Variants in LAMA1 observed in about 807,000 individuals in gnomAD.
The protein encoded by LAMA1 is laminin subunit alpha 1, also known as laminin subunit alpha-1.
A neutral mutation model predicts 348.7 loss-of-function variants in LAMA1; 219 were observed. The observed-to-expected ratio is 0.63, with a 90% CI of 0.56 to 0.70. The LOEUF is 0.70. LAMA1 is among the 30% of genes least tolerant of loss of function. The pLI, the probability that LAMA1 is intolerant of heterozygous loss-of-function variation, is 0.00. For missense variants in LAMA1, 3,744 were observed against 3,888.0 expected (o/e 0.96, Z 0.99); for synonymous variants, 1,487 against 1,491.0 (o/e 1.00, Z 0.06).
chr18:7,101,541 G>A (rs533484759), intron 1 of LAMA1, among the ~76,000 whole-genome samples: 14 of 152,324 alleles, frequency 9.2e-5, no homozygotes, highest in Middle Eastern at 3.4e-3. Context: ...GCAGAAGTGC[G>A]TGTTGGATCC....
intron 3 of LAMA1, among the ~76,000 whole-genome samples, chr18:7,065,710 G>A (rs887264989): frequency 2.6e-5 from 4 of 152,216 alleles, no homozygotes; most frequent in Non-Finnish European, 4.4e-5. Flanking sequence ...TTGGGTGACA[G>A]AGTGAGACTC....
chr18:6,942,757 A>T (rs114950381), intron 62 of LAMA1, among the ~76,000 whole-genome samples: 3,884 of 152,258 alleles, frequency 0.026, 175 homozygotes, highest in African/African-American at 0.088. Flanking sequence ...GTTATAACTT[A>T]AAAAAAGTCA....
At chr18:6,970,001 T>A (rs1306732246) in intron 48 of LAMA1, among the ~76,000 whole-genome samples, 3 of 152,212 alleles carry the variant, frequency 2.0e-5, no homozygotes, top group Non-Finnish European at 4.4e-5. Flanking sequence ...TTAATTTCTG[T>A]TAACCATTTT....
At chr18:6,998,536 AG>A (rs1275058349) in intron 32 of LAMA1, among the ~76,000 whole-genome samples, 2 of 152,144 alleles carry the variant, frequency 1.3e-5, no homozygotes, top group African/African-American at 4.8e-5. Flanking sequence ...ATCTTTCACA[AG>A]TACAAGTGAA....
chr18:7,014,546 CAA>C (rs1475572907), intron 22 of LAMA1, among the ~76,000 whole-genome samples: 1 of 150,432 alleles, frequency 6.6e-6, no homozygotes, highest in Non-Finnish European at 1.5e-5. Flanking sequence ...TGCTTGAGCC[CAA>C]GAGGTCAAGG....
intron 3 of LAMA1, among the ~76,000 whole-genome samples, chr18:7,058,245 G>C (rs1374505436): frequency 2.0e-5 from 3 of 152,146 alleles, no homozygotes; most frequent in African/African-American, 7.2e-5. Context: ...AGCTCTCAAG[G>C]GAGGAGTTAC....
intron 33 of LAMA1, among the ~76,000 whole-genome samples, chr18:6,995,711 T>C (rs2057778344): frequency 6.6e-6 from 1 of 152,174 alleles, no homozygotes; most frequent in Non-Finnish European, 1.5e-5. Flanking sequence ...CTGCTGCAAT[T>C]CTCAGATAAA....
At chr18:7,074,854 A>ACGCT (rs1568056689) in intron 3 of LAMA1, among the ~76,000 whole-genome samples, 1 of 151,062 alleles carries the variant, frequency 6.6e-6, no homozygotes, top group Non-Finnish European at 1.5e-5. Flanking sequence ...ACTAAAATAA[A>ACGCT]CAGTAGTTAA....
chr18:6,956,232 GCC>G (rs2057576728), intron 56 of LAMA1: 3 of 344,714 alleles, frequency 8.7e-6, no homozygotes, highest in African/African-American at 6.5e-5. Context: ...AAAATATTTG[GCC>G]AGAACTGGCT....
intron 44 of LAMA1, among the ~76,000 whole-genome samples, chr18:6,977,066 GCC>G (rs1012106910): frequency 3.3e-5 from 5 of 152,192 alleles, no homozygotes; most frequent in Non-Finnish European, 7.3e-5. Context: ...ACAAATGCAA[GCC>G]CAGAGGCTGC....
intron 16 of LAMA1, among the ~76,000 whole-genome samples, chr18:7,029,072 A>G (rs113347503): frequency 0.012 from 1,804 of 152,314 alleles, 34 homozygotes; most frequent in African/African-American, 0.04. Context: ...TTTAATTTGG[A>G]ATTGTAAGCA....
At chr18:7,116,844 T>C (rs2143846324) in intron 1 of LAMA1, among the ~76,000 whole-genome samples, 1 of 152,238 alleles carries the variant, frequency 6.6e-6, no homozygotes, top group South Asian at 2.1e-4. Flanking sequence ...CTTCTCTCTC[T>C]CTCTCTTTCC....
In LAMA1 at chr18:7,117,783, A is replaced by T; in HGVS notation, c.-63T>A. On this transcript the variant is annotated 5_prime_UTR_variant, in exon 1 of 63. Transcript: ENST00000389658. ...GCCGCGCGCCCGCCTGGAACGCTCC[A>T]CGGGACGCGAGTCCGCGCTGCCCTG... 1.4e-6 allele frequency: 2 copies of T among 1,465,740 alleles called. No homozygotes were observed. The highest frequency in any genetic ancestry group is 2.5e-5 in the East Asian group (1 of 40,696). 90.8% of individuals were successfully genotyped at this position (1,465,740 alleles called of 1,614,324 possible).
chr18:6,993,842 C>G, intron 34 of LAMA1, 90 bp from the exon 35 acceptor site: 1 of 791,050 alleles, frequency 1.3e-6, no homozygotes, highest in Non-Finnish European at 2.3e-6. Flanking sequence ...TCCACTGTTG[C>G]CGCTTATAAG....
At chr18:7,003,718 C>T (rs1035837347) in intron 29 of LAMA1, among the ~76,000 whole-genome samples, 36 of 152,204 alleles carry the variant, frequency 2.4e-4, no homozygotes, top group African/African-American at 8.7e-4. Context: ...CAGTGAGGAA[C>T]ACCTGAGCAA....
chr18:6,942,679 G>C (rs1436060933), intron 62 of LAMA1, among the ~76,000 whole-genome samples: 1 of 152,110 alleles, frequency 6.6e-6, no homozygotes, highest in Non-Finnish European at 1.5e-5. Context: ...CTCCCAAAGT[G>C]CCGGGATTAT....
chr18:6,945,634 A>AT (rs780371087), intron 61 of LAMA1, among the ~76,000 whole-genome samples: 4 of 152,160 alleles, frequency 2.6e-5, no homozygotes, highest in African/African-American at 4.8e-5. Flanking sequence ...ACCATCCCTG[A>AT]TTCCCCATGG....
chr18:7,046,266 A>G lies in LAMA1; in HGVS notation c.858+12T>C. The G allele has an allele frequency of 6.4e-7, 1 of 1,565,788 alleles. No homozygotes were observed. The highest frequency in any genetic ancestry group is 1.3e-5 in the African/African-American group (1 of 74,084). The stretch of plus-strand genomic sequence containing the variant: ...TTGAAGTTTTAGTAAAATGTGAAAT[A>G]CTAGAACTCACCTTTGTAGTTTCAT... On this transcript the variant is annotated intron_variant, in intron 6 of 62. Coordinates refer to ENST00000389658, the MANE Select transcript of LAMA1 (RefSeq NM_005559.4).
Position 6,985,240 on chromosome 18 carries a change from T to G in LAMA1, c.5657A>C (p.Tyr1886Ser). The change falls in exon 39 of 63, where the codon TAC (tyrosine) becomes TCC (serine). Residue 1886 changes from tyrosine (Y) to serine (S), a missense_variant. By Grantham distance (144) the Tyr-to-Ser change is moderately radical. Coordinates refer to ENST00000389658, the MANE Select transcript of LAMA1 (RefSeq NM_005559.4). ...TCCCACAAAGGCGTGTTCCTACCTG[T>G]ACAGAACATCTGCTAGTCTCTGGAA... ...AEFQRLADVL[Y>S]SGLENIRNVS... 1 of 1,614,124 alleles carries G rather than the reference T, an allele frequency of 6.2e-7. No individual in the cohort carries two copies. Among genetic ancestry groups the G allele is most frequent in the Non-Finnish European group, 8.5e-7 (1 of 1,179,974 alleles).
Sources: gnomAD v4.1 joint callset for allele counts (sites outside exome capture counted in the v4.1 genomes callset) on GRCh38, gnomAD v4.1.1 for gene constraint, MANE v1.5 for transcripts, NCBI Gene and HGNC (gene_info 2026-07-23, HGNC 2026-07-21) for gene names.